PNLIP: variants seen among roughly 807,000 people sequenced by gnomAD.
The protein encoded by PNLIP is pancreatic triacylglycerol lipase.
A neutral mutation model predicts 57.1 loss-of-function variants in PNLIP; 49 were observed. That is an observed-to-expected ratio of 0.86 (90% CI 0.68 to 1.09). The LOEUF (loss-of-function observed/expected upper bound fraction) is 1.09, where lower values mean the gene tolerates loss of function less well. PNLIP is among the 50% of genes least tolerant of loss of function. PNLIP has a pLI of 0.00. For missense variants in PNLIP, 503 were observed against 570.2 expected (o/e 0.88, Z 1.20); for synonymous variants, 209 against 200.4 (o/e 1.04, Z -0.36).
intron 3 of PNLIP, among the ~76,000 whole-genome samples, chr10:116,548,145 C>T (rs1847151342): frequency 1.3e-5 from 2 of 151,934 alleles, no homozygotes; most frequent in African/African-American, 4.8e-5. Flanking sequence ...TTATAACAGA[C>T]ATATTATCCC....
chr10:116,548,383 C>T lies in PNLIP; in HGVS notation c.225C>T (p.Ser75=), dbSNP rs1244219059. ...NFQEVAADSS[S]ISGSNFKTNR... is the part of the protein sequence containing the mutation. ...AGGAAGTTGCCGCAGATTCATCAAGCATCAGTGGCTCCAATTTCAAAACAA... is the reference window on the plus strand; with the variant it reads ...AGGAAGTTGCCGCAGATTCATCAAGTATCAGTGGCTCCAATTTCAAAACAA... The change falls in exon 4 of 13, where the codon AGC becomes AGT. Residue 75 remains serine (S), a synonymous_variant. Coordinates refer to ENST00000369221, the MANE Select transcript of PNLIP (RefSeq NM_000936.4). The T allele has an allele frequency of 2.5e-6, 4 of 1,613,844 alleles. No individual in the cohort carries two copies. Among genetic ancestry groups the T allele is most frequent in the East Asian group, 2.2e-5 (1 of 44,900 alleles).
At chr10:116,552,535 C>T (rs565151328) in intron 5 of PNLIP, among the ~76,000 whole-genome samples, 44 of 152,196 alleles carry the variant, frequency 2.9e-4, no homozygotes, top group African/African-American at 7.5e-4. Context: ...TAATTTGATA[C>T]AGGGATACAG....
chr10:116,557,100 A>G (rs1847260883), intron 9 of PNLIP, among the ~76,000 whole-genome samples: 2 of 152,202 alleles, frequency 1.3e-5, no homozygotes, highest in South Asian at 2.1e-4. Context: ...GGGAGTACAT[A>G]TATTATTCAC....
At position 116,548,399 on chromosome 10, in the gene PNLIP, T is replaced by G; in HGVS notation, c.241T>G (p.Phe81Val). ...TTCATCAAGCATCAGTGGCTCCAATTTCAAAACAAATAGAAAAACTCGCTT... is the reference window on the plus strand; with the variant it reads ...TTCATCAAGCATCAGTGGCTCCAATGTCAAAACAAATAGAAAAACTCGCTT... ...ADSSSISGSN[F>V]KTNRKTRFII... is the part of the protein sequence containing the mutation. The change falls in exon 4 of 13, where the codon TTC becomes GTC. Residue 81 changes from phenylalanine to valine, a missense_variant. Transcript: ENST00000369221. The G allele has an allele frequency of 6.2e-7, 1 of 1,614,042 alleles. No homozygotes were observed. Among genetic ancestry groups the G allele is most frequent in the Non-Finnish European group, 8.5e-7 (1 of 1,179,942 alleles).
At chr10:116,550,535 G>A (rs1391091150) in intron 4 of PNLIP, among the ~76,000 whole-genome samples, 1 of 152,114 alleles carries the variant, frequency 6.6e-6, no homozygotes, top group East Asian at 1.9e-4. Context: ...CTTTAGTGAT[G>A]TACAATAAAA....
chr10:116,551,210 C>T lies in PNLIP; in HGVS notation c.437C>T (p.Ala146Val). The change falls in exon 5 of 13, where the codon GCA becomes GTA. Residue 146 changes from alanine (A) to valine (V), a missense_variant. By Grantham distance (64) the Ala-to-Val change is moderately conservative. Coordinates refer to ENST00000369221, the MANE Select transcript of PNLIP (RefSeq NM_000936.4). Reference protein sequence around the residue: ...QNIRIVGAEVAYFVEFLQSAF... With the variant: ...QNIRIVGAEVVYFVEFLQSAF... ...ATCAGGATCGTGGGAGCAGAAGTGG[C>T]ATATTTTGTTGAATTTCTTCAGGTA... is the stretch of plus-strand genomic sequence containing the variant. 1 of 1,600,284 alleles carries T rather than the reference C, an allele frequency of 6.2e-7. No homozygotes were observed. Among genetic ancestry groups the T allele is most frequent in the South Asian group, 1.1e-5 (1 of 90,232 alleles).
intron 12 of PNLIP, among the ~76,000 whole-genome samples, chr10:116,564,150 A>G (rs1847342055): frequency 6.6e-6 from 1 of 152,208 alleles, no homozygotes; most frequent in Non-Finnish European, 1.5e-5. Context: ...GGTAGAATGT[A>G]CATTATTCAG....
At chr10:116,546,704 C>T (rs927767546) in intron 2 of PNLIP, among the ~76,000 whole-genome samples, 1 of 152,190 alleles carries the variant, frequency 6.6e-6, no homozygotes, top group African/African-American at 2.4e-5. Context: ...ACTCTTACTC[C>T]TACCATTAAT....
At chr10:116,546,061 CCAGA>C (rs765101038) in intron 1 of PNLIP, 28 bp from the exon 2 acceptor site, 2 of 1,607,778 alleles carry the variant, frequency 1.2e-6, no homozygotes, top group Non-Finnish European at 1.7e-6. Context: ...AAAAACTTAG[CCAGA>C]CTCAATCATG....
intron 12 of PNLIP, 65 bp from the exon 13 acceptor site, chr10:116,567,670 T>C: frequency 7.3e-7 from 1 of 1,365,062 alleles, no homozygotes; most frequent in Non-Finnish European, 1.0e-6. Flanking sequence ...TAGATTGTCC[T>C]CACTGTCACA....
intron 5 of PNLIP, among the ~76,000 whole-genome samples, chr10:116,553,310 G>T (rs1455099295): frequency 6.6e-6 from 1 of 152,128 alleles, no homozygotes; most frequent in African/African-American, 2.4e-5. Flanking sequence ...TCACCATATT[G>T]GCCAGGCTGG....
intron 5 of PNLIP, among the ~76,000 whole-genome samples, chr10:116,553,030 A>G (rs1847211980): frequency 6.6e-6 from 1 of 152,250 alleles, no homozygotes; most frequent in Admixed American, 6.5e-5. Flanking sequence ...CACTTACTCC[A>G]TGACTTGCCC....
At chr10:116,546,004 C>A in intron 1 of PNLIP, 46 bp downstream of exon 1, 1 of 1,079,484 alleles carries the variant, frequency 9.3e-7, no homozygotes, top group Non-Finnish European at 1.4e-6. Context: ...CAGAATGTAT[C>A]CATTTTCCCC....
chr10:116,554,379 A>G (rs1373995884), intron 6 of PNLIP, among the ~76,000 whole-genome samples: 2 of 152,236 alleles, frequency 1.3e-5, no homozygotes, highest in Non-Finnish European at 2.9e-5. Context: ...AGCCTCAAAC[A>G]TAACCCCAGA....
intron 12 of PNLIP, among the ~76,000 whole-genome samples, chr10:116,564,968 G>A (rs544633755): frequency 2.6e-4 from 39 of 152,170 alleles, no homozygotes; most frequent in Middle Eastern, 3.4e-3. Flanking sequence ...AGTATAAAAA[G>A]AGCTAAAAGG....
At chr10:116,560,570 T>TTTTTTA in intron 11 of PNLIP, 46 bp downstream of exon 11, 2 of 779,738 alleles carry the variant, frequency 2.6e-6, no homozygotes, top group African/African-American at 1.9e-5. Flanking sequence ...TTTTTTTTTT[T>TTTTTTA]GAGTCGGAGT....
chr10:116,550,702 G>A (rs941999843), intron 4 of PNLIP, among the ~76,000 whole-genome samples: 1 of 152,116 alleles, frequency 6.6e-6, no homozygotes, highest in East Asian at 1.9e-4. Context: ...GGACACTGAG[G>A]CTATACCAGT....
chr10:116,555,537 T>C (rs761553658), intron 8 of PNLIP, 30 bp downstream of exon 8: 2 of 1,603,672 alleles, frequency 1.2e-6, no homozygotes, highest in Non-Finnish European at 1.7e-6. Flanking sequence ...AAAGAGATCT[T>C]CTTGGGAGAA....
intron 12 of PNLIP, among the ~76,000 whole-genome samples, chr10:116,564,252 A>C (rs1228121877): frequency 6.6e-6 from 1 of 152,188 alleles, no homozygotes; most frequent in African/African-American, 2.4e-5. Flanking sequence ...CAAATAAAAA[A>C]ATGTTGAAAC....
Sources: allele counts gnomAD v4.1 joint callset (sites outside exome capture counted in the v4.1 genomes callset), GRCh38; gene constraint gnomAD v4.1.1; transcripts MANE v1.5; gene names NCBI Gene and HGNC (gene_info 2026-07-23, HGNC 2026-07-21).